The following DIP2B variants were observed in gnomAD, a reference collection of about 807,000 sequenced individuals.
DIP2B encodes disco-interacting protein 2 homolog B.
A neutral mutation model predicts 198.0 loss-of-function variants in DIP2B; 76 were observed. That is an observed-to-expected ratio of 0.38 (90% CI 0.32 to 0.46). The LOEUF is 0.46. Among genes scored for constraint, DIP2B ranks in the 20% least tolerant of loss-of-function variants. The probability of loss-of-function intolerance (pLI) is 0.99; values close to 1 mark genes in which losing one functional copy is unlikely to be tolerated. For synonymous variants in DIP2B, 701 were observed against 739.1 expected, an observed-to-expected ratio of 0.95 and a Z score of 0.84; for missense variants, 1,559 against 1,978.4, an observed-to-expected ratio of 0.79 and a Z score of 4.02.
rs1360153822 is a variant in DIP2B, at chr12:50,671,395, A to G, written c.637A>G (p.Ile213Val). The G allele has an allele frequency of 6.2e-7, 1 of 1,614,020 alleles. No homozygotes were observed. Among genetic ancestry groups the G allele is most frequent in the African/African-American group, 1.3e-5 (1 of 74,924 alleles). Residue 213 changes from isoleucine to valine, a missense_variant, in exon 5 of 38, where the codon ATA becomes GTA. Coordinates refer to ENST00000301180, the MANE Select transcript of DIP2B (RefSeq NM_173602.3). Reference sequence around the variant, plus strand: ...AGCTGATGTATTTGCCAATACTCGAATAGGTAGGAGCTGGATCTACCCAAG... The same window carrying G: ...AGCTGATGTATTTGCCAATACTCGAGTAGGTAGGAGCTGGATCTACCCAAG... ...SLADVFANTR[I>V]ENFSAPPDVT...
rs535128622 is a variant in DIP2B, at chr12:50,529,858, C to CA, written c.100+24625dup. Among the ~76,000 whole-genome samples, 20 of 146,916 alleles carry CA rather than the reference C, an allele frequency of 1.4e-4. 1 individual carries two copies. The South Asian group carries it at 4.6e-3, about 33-fold the overall frequency. ...TGGGTGACAGAGCGAGCCTCTGTCT[C>CA]AAAAAAAGAAAAAAGAAAAAAGAAA... On this transcript the variant is annotated intron_variant, in intron 1 of 37. Coordinates refer to ENST00000301180, the MANE Select transcript of DIP2B (RefSeq NM_173602.3).
intron 1 of DIP2B, among the ~76,000 whole-genome samples, chr12:50,579,330 A>G (rs1247415739): frequency 3.9e-5 from 6 of 151,946 alleles, no homozygotes; most frequent in Non-Finnish European, 8.8e-5. Context: ...ACCTGAATCT[A>G]GGTCAGGCAC....
rs1290251906 is a variant in DIP2B at position 50,673,584 on chromosome 12, C to T, written c.641-890C>T. The stretch of plus-strand genomic sequence containing the variant: ...GGAGGATTGCTTGAGCCCAGGAGTT[C>T]GAGACCAGCCTGGGCAGCATGGCAA... On this transcript the variant is annotated intron_variant, in intron 5 of 37. Transcript: ENST00000301180. Among the ~76,000 whole-genome samples the T allele has an allele frequency of 5.9e-5, 9 of 152,018 alleles. No individual in the cohort carries two copies. In the East Asian group the frequency reaches 1.2e-3, roughly 20 times the overall value.
chr12:50,672,213 T>C (rs998538403), intron 5 of DIP2B, among the ~76,000 whole-genome samples: 3 of 152,174 alleles, frequency 2.0e-5, no homozygotes, highest in Admixed American at 1.3e-4. Flanking sequence ...GTTAACTGAT[T>C]TCTAAAAAAA....
At chr12:50,590,362 A>G (rs1359498523) in intron 1 of DIP2B, among the ~76,000 whole-genome samples, 1 of 150,790 alleles carries the variant, frequency 6.6e-6, no homozygotes, top group Admixed American at 6.6e-5. Context: ...TGGCCCAAGG[A>G]GTGATTTTTT....
intron 26 of DIP2B, among the ~76,000 whole-genome samples, chr12:50,722,871 CT>C (rs1939867644): frequency 6.6e-6 from 1 of 152,168 alleles, no homozygotes; most frequent in South Asian, 2.1e-4. Flanking sequence ...TTTCTCCATT[CT>C]TTTATTTTCC....
intron 2 of DIP2B, among the ~76,000 whole-genome samples, chr12:50,632,225 G>A (rs989752616): frequency 5.9e-5 from 9 of 151,726 alleles, no homozygotes; most frequent in African/African-American, 1.7e-4. Flanking sequence ...AGTGGCTCAC[G>A]CCTGTACTCC....
intron 3 of DIP2B, among the ~76,000 whole-genome samples, chr12:50,647,018 G>A (rs1386211678): frequency 7.3e-6 from 1 of 136,334 alleles, no homozygotes; most frequent in Non-Finnish European, 1.5e-5. Context: ...AAACACAGGA[G>A]TTTTTCTTCT....
At chr12:50,716,018 C>A (rs907170616) in intron 23 of DIP2B, among the ~76,000 whole-genome samples, 2 of 152,198 alleles carry the variant, frequency 1.3e-5, no homozygotes, top group African/African-American at 4.8e-5. Context: ...CATAGACTCA[C>A]GAAATGCACA....
chr12:50,660,291 G>A lies in DIP2B; in HGVS notation c.399G>A (p.Gln133=). 6.2e-7 allele frequency: 1 copy of A among 1,611,058 alleles called. No individual in the cohort carries two copies. The highest frequency in any genetic ancestry group is 8.5e-7 in the Non-Finnish European group (1 of 1,178,598). ...CCAAAAGGCGATCCACATTTGTTCA[G>A]TCTCCTGCAGATGCCTGCACACCTC... ...MPTKRRSTFV[Q]SPADACTPPD... is the part of the protein sequence containing the mutation. The change falls in exon 4 of 38, where the codon CAG becomes CAA. Residue 133 remains glutamine (Q), a synonymous_variant. Transcript: ENST00000301180.
intron 1 of DIP2B, among the ~76,000 whole-genome samples, chr12:50,617,435 G>A (rs1213602961): frequency 6.6e-6 from 1 of 151,816 alleles, no homozygotes; most frequent in Non-Finnish European, 1.5e-5. Flanking sequence ...GATTACAGGC[G>A]TGAGCCACCG....
At chr12:50,660,756 G>A (rs916883804) in intron 4 of DIP2B, among the ~76,000 whole-genome samples, 3 of 152,118 alleles carry the variant, frequency 2.0e-5, no homozygotes, top group Non-Finnish European at 4.4e-5. Flanking sequence ...TTGGACTTGG[G>A]ACAAAAGTTT....
At chr12:50,674,763 G>T in intron 6 of DIP2B, 134 bp downstream of exon 6, 1 of 1,090,138 alleles carries the variant, frequency 9.2e-7, no homozygotes, top group Non-Finnish European at 1.3e-6. Flanking sequence ...ACTAATCCTG[G>T]GTACCTTTTT....
At chr12:50,682,438 G>A (rs1238192146) in intron 9 of DIP2B, among the ~76,000 whole-genome samples, 2 of 152,020 alleles carry the variant, frequency 1.3e-5, no homozygotes, top group African/African-American at 4.8e-5. Context: ...GACCATCCTG[G>A]CTAACACGGT....
intron 22 of DIP2B, 66 bp downstream of exon 22, chr12:50,708,628 T>A (rs1173675668): frequency 2.3e-6 from 3 of 1,331,216 alleles, no homozygotes; most frequent in African/African-American, 2.9e-5. Context: ...GCATTTCATT[T>A]TCTTCGATCA....
At chr12:50,623,757 A>C (rs1298032840) in intron 1 of DIP2B, among the ~76,000 whole-genome samples, 1 of 152,108 alleles carries the variant, frequency 6.6e-6, no homozygotes, top group African/African-American at 2.4e-5. Flanking sequence ...GCCCATTATT[A>C]TATAGATTAG....
chr12:50,510,425 G>A (rs1416651999), intron 1 of DIP2B, among the ~76,000 whole-genome samples: 1 of 152,124 alleles, frequency 6.6e-6, no homozygotes, highest in Non-Finnish European at 1.5e-5. Flanking sequence ...CTCAGCCCTT[G>A]GTTACAACTT....
intron 1 of DIP2B, among the ~76,000 whole-genome samples, chr12:50,580,936 G>C (rs1382584129): frequency 6.7e-6 from 1 of 149,084 alleles, no homozygotes; most frequent in African/African-American, 2.5e-5. Flanking sequence ...GGACCGACCC[G>C]GCTTTAGTCC....
At chr12:50,527,674 C>T (rs1958179024) in intron 1 of DIP2B, among the ~76,000 whole-genome samples, 1 of 152,156 alleles carries the variant, frequency 6.6e-6, no homozygotes, top group Non-Finnish European at 1.5e-5. Context: ...CGTGCCACTA[C>T]ACTCTAGGCT....
Sources: allele counts gnomAD v4.1 joint callset (sites outside exome capture counted in the v4.1 genomes callset), GRCh38; gene constraint gnomAD v4.1.1; transcripts MANE v1.5; gene names NCBI Gene and HGNC (gene_info 2026-07-23, HGNC 2026-07-21).